Variants in FOXJ3 observed in about 807,000 individuals in gnomAD.
FOXJ3 encodes forkhead box J3, also known as forkhead box protein J3.
FOXJ3 carries 22 observed loss-of-function variants against 76.1 expected under a neutral mutation model. That is an observed-to-expected ratio of 0.29 (90% CI 0.21 to 0.41). The LOEUF is 0.41. Among genes scored for constraint, FOXJ3 ranks in the 10% least tolerant of loss-of-function variants. FOXJ3 has a pLI of 1.00. For synonymous variants in FOXJ3, 269 were observed against 261.2 expected (o/e 1.03, Z -0.29); for missense variants, 613 against 762.1 (o/e 0.80, Z 2.30).
At chr1:42,290,368 A>G (rs1478431291) in intron 2 of FOXJ3, among the ~76,000 whole-genome samples, 1 of 152,176 alleles carries the variant, frequency 6.6e-6, no homozygotes, top group African/African-American at 2.4e-5. Flanking sequence ...GTAACAGTGC[A>G]TCAGTCATTA....
chr1:42,226,284 T>C (rs1384122738), intron 5 of FOXJ3, among the ~76,000 whole-genome samples: 3 of 151,556 alleles, frequency 2.0e-5, no homozygotes, highest in Admixed American at 1.3e-4. Flanking sequence ...TCTCAAATGA[T>C]AACATACTGA....
At chr1:42,239,563 A>G (rs1648967366) in intron 4 of FOXJ3, among the ~76,000 whole-genome samples, 1 of 152,216 alleles carries the variant, frequency 6.6e-6, no homozygotes, top group Non-Finnish European at 1.5e-5. Flanking sequence ...CATCTTTTGA[A>G]TGTAACTAAC....
chr1:42,186,661 TAGA>T (rs979530136), intron 11 of FOXJ3, among the ~76,000 whole-genome samples: 17 of 152,098 alleles, frequency 1.1e-4, no homozygotes, highest in African/African-American at 4.1e-4. Context: ...AGAGAGAATC[TAGA>T]AGGAGTGCCT....
At chr1:42,214,587 A>C (rs1647029089) in intron 5 of FOXJ3, among the ~76,000 whole-genome samples, 1 of 152,222 alleles carries the variant, frequency 6.6e-6, no homozygotes, top group African/African-American at 2.4e-5. Context: ...GAGAAAAAAA[A>C]TAGCTTTCTG....
chr1:42,190,487 G>A (rs1646520000), intron 9 of FOXJ3, among the ~76,000 whole-genome samples: 1 of 152,210 alleles, frequency 6.6e-6, no homozygotes, highest in Non-Finnish European at 1.5e-5. Context: ...ATATCCAAAT[G>A]AGCCACGAAC....
chr1:42,197,671 T>A lies in FOXJ3; in HGVS notation c.759+1431A>T, dbSNP rs560308429. ...AGTTGTTAAACTATATTTTTTTCTT[T>A]AAAAAAAAAAAAGAAAGAAAGAAAG... is the stretch of plus-strand genomic sequence containing the variant. On this transcript the variant is annotated intron_variant, in intron 7 of 12. Transcript: ENST00000361346. 7.6e-3 allele frequency among the ~76,000 whole-genome samples: 1,104 copies of A among 144,810 alleles called. 19 individuals are homozygous for A. The highest frequency in any genetic ancestry group is 0.026 in the African/African-American group (1,042 of 39,678).
Position 42,189,390 on chromosome 1 carries a change from A to T in FOXJ3, c.1366T>A (p.Trp456Arg). 1 of 1,610,538 alleles carries T rather than the reference A, an allele frequency of 6.2e-7. No homozygotes were observed. Among genetic ancestry groups the T allele is most frequent in the East Asian group, 2.2e-5 (1 of 44,858 alleles). The change falls in exon 10 of 13, where the codon TGG becomes AGG. Residue 456 changes from tryptophan to arginine, a missense_variant. By Grantham distance (101) the Trp-to-Arg change is moderately radical (BLOSUM62 -3). Transcript: ENST00000361346. ...TTTAGCATATCAAGTGTCGCATACC[A>T]ATCATTTGAAACACCTATAAAATAT... ...VSCNSGVSND[W>R]YATLDMLKES...
chr1:42,310,273 G>A (rs529782855), intron 2 of FOXJ3, among the ~76,000 whole-genome samples: 1 of 151,738 alleles, frequency 6.6e-6, no homozygotes, highest in African/African-American at 2.4e-5. Context: ...AGCCTCCCGA[G>A]TAGCTGGGAT....
intron 2 of FOXJ3, among the ~76,000 whole-genome samples, chr1:42,296,012 G>A (rs1476933685): frequency 6.6e-6 from 1 of 152,130 alleles, no homozygotes; most frequent in Non-Finnish European, 1.5e-5. Flanking sequence ...ACCAACATCT[G>A]TTATTTTTTG....
chr1:42,313,504 T>C (rs1426808085), intron 1 of FOXJ3, among the ~76,000 whole-genome samples: 2 of 152,106 alleles, frequency 1.3e-5, no homozygotes, highest in Admixed American at 1.3e-4. Flanking sequence ...AAAATAAATG[T>C]ATTCATAACT....
intron 5 of FOXJ3, among the ~76,000 whole-genome samples, chr1:42,222,051 GAA>G (rs1557649574): frequency 0.021 from 1,858 of 88,766 alleles, 247 homozygotes; most frequent in Non-Finnish European, 0.029. Context: ...AGAAGGAGAA[GAA>G]GAAGAAGAAG....
At chr1:42,334,108 G>T (rs1656319154) in intron 1 of FOXJ3, 9 of 969,416 alleles carry the variant, frequency 9.3e-6, no homozygotes, top group Non-Finnish European at 1.1e-5. Context: ...CACACAAAAA[G>T]TAAAACAGAG....
intron 5 of FOXJ3, among the ~76,000 whole-genome samples, chr1:42,212,125 G>A (rs1433917417): frequency 6.6e-6 from 1 of 152,104 alleles, no homozygotes; most frequent in East Asian, 1.9e-4. Context: ...ATGGTGGCAC[G>A]TGCCTGCAGT....
chr1:42,186,202 C>A (rs1646431587), intron 11 of FOXJ3, among the ~76,000 whole-genome samples: 1 of 152,020 alleles, frequency 6.6e-6, no homozygotes, highest in Admixed American at 6.5e-5. Flanking sequence ...GACAGAAAGA[C>A]ACTGACACTT....
intron 1 of FOXJ3, among the ~76,000 whole-genome samples, chr1:42,321,715 T>C (rs1570252661): frequency 1.3e-5 from 2 of 152,070 alleles, no homozygotes; most frequent in African/African-American, 4.8e-5. Context: ...ATAAAAAGAT[T>C]TTTGCGCCAC....
chr1:42,291,079 T>TAGATAGATAGATAGATAGACAGACAGAC (rs1553167254), intron 2 of FOXJ3, among the ~76,000 whole-genome samples: 1 of 125,564 alleles, frequency 8.0e-6, no homozygotes, highest in African/African-American at 3.0e-5. Context: ...GATAGATAGA[T>TAGATAGATAGATAGATAGACAGACAGAC]AGATAGACAG....
At chr1:42,269,555 C>G (rs977747638) in intron 3 of FOXJ3, among the ~76,000 whole-genome samples, 5 of 152,192 alleles carry the variant, frequency 3.3e-5, no homozygotes, top group Admixed American at 3.3e-4. Context: ...CCAGCACAGA[C>G]CTTTCTCCTG....
At chr1:42,301,375 A>G (rs1269648634) in intron 2 of FOXJ3, among the ~76,000 whole-genome samples, 1 of 151,186 alleles carries the variant, frequency 6.6e-6, no homozygotes, top group African/African-American at 2.4e-5. Flanking sequence ...TTTTTTTTGT[A>G]TTTTTAGTAG....
At chr1:42,194,638 T>A (rs1646615704) in intron 8 of FOXJ3, among the ~76,000 whole-genome samples, 1 of 152,206 alleles carries the variant, frequency 6.6e-6, no homozygotes, top group African/African-American at 2.4e-5. Flanking sequence ...AGTGTCAGAA[T>A]TCTTTAACAC....
Sources: gnomAD v4.1 joint callset for allele counts (sites outside exome capture counted in the v4.1 genomes callset) on GRCh38, gnomAD v4.1.1 for gene constraint, MANE v1.5 for transcripts, NCBI Gene and HGNC (gene_info 2026-07-23, HGNC 2026-07-21) for gene names.